The following GRIA2 variants were observed in gnomAD, a reference collection of about 807,000 sequenced individuals.
The protein encoded by GRIA2 is glutamate ionotropic receptor AMPA type subunit 2, also known as glutamate receptor 2.
In GRIA2, 14 loss-of-function variants were observed where a neutral mutation model predicts 97.3. The ratio of observed to expected loss-of-function variants is 0.14; its 90% CI spans 0.10 to 0.23. The LOEUF (loss-of-function observed/expected upper bound fraction) is 0.23. Ranked by LOEUF, GRIA2 falls within the 10% of genes least tolerant of loss-of-function variation. The pLI is 1.00. For synonymous variants in GRIA2, 412 were observed against 387.8 expected (o/e 1.06, Z -0.73); for missense variants, 558 against 1,069.8 (o/e 0.52, Z 6.67).
chr4:157,231,507 C>G (rs1449222111), intron 2 of GRIA2, among the ~76,000 whole-genome samples: 1 of 152,062 alleles, frequency 6.6e-6, no homozygotes, highest in African/African-American at 2.4e-5. Flanking sequence ...GGAAAAAACA[C>G]AAATTTAAGG....
chr4:157,239,412 T>C (rs1253538330), intron 2 of GRIA2, among the ~76,000 whole-genome samples: 1 of 152,056 alleles, frequency 6.6e-6, no homozygotes, highest in East Asian at 1.9e-4. Context: ...TCTGCAAATG[T>C]TTAAAATTTC....
rs1735125516 is a variant in GRIA2 at position 157,333,003 on chromosome 4, A to G, written c.1050+17A>G. ...CTCAAACAGGTCAGTTACTCAAAAT[A>G]ATCGTTAACGTGACTTAATATGGCC... On this transcript the variant is annotated intron_variant, in intron 7 of 15. Coordinates refer to ENST00000264426, the MANE Select transcript of GRIA2 (RefSeq NM_001083619.3). 1 of 1,575,826 alleles carries G rather than the reference A, an allele frequency of 6.3e-7. No homozygotes were observed. Among genetic ancestry groups the G allele is most frequent in the Non-Finnish European group, 8.6e-7 (1 of 1,159,202 alleles).
In GRIA2 at chr4:157,221,672, C is replaced by T; in HGVS notation, c.94C>T (p.Leu32=). 6.2e-7 allele frequency: 1 copy of T among 1,613,972 alleles called. No homozygotes were observed. Among genetic ancestry groups the T allele is most frequent in the Non-Finnish European group, 8.5e-7 (1 of 1,179,920 alleles). The part of the protein sequence containing the change: ...VSSNSIQIGG[L]FPRGADQEYS... ...TTGCTGTTTGTTCTTTGCAGGGGGG[C>T]TATTTCCTAGGGGCGCCGATCAAGA... Residue 32 remains leucine (L), a synonymous_variant, in exon 2 of 16, where the codon CTA becomes TTA. Transcript: ENST00000264426.
chr4:157,258,120 A>G (rs560392773), intron 2 of GRIA2, among the ~76,000 whole-genome samples: 1 of 152,100 alleles, frequency 6.6e-6, no homozygotes, highest in East Asian at 1.9e-4. Context: ...TAACTACACA[A>G]ATTGTTTAAA....
At chr4:157,265,350 G>T (rs1046474448) in intron 2 of GRIA2, among the ~76,000 whole-genome samples, 10 of 151,998 alleles carry the variant, frequency 6.6e-5, no homozygotes, top group African/African-American at 1.9e-4. Context: ...TAATTACCTC[G>T]CATGAATCTG....
At position 157,260,398 on chromosome 4, in the gene GRIA2, A is replaced by G. The variant is rs748177983; in HGVS notation, c.229+38591A>G. Among the ~76,000 whole-genome samples the G allele has an allele frequency of 3.9e-5, 6 of 152,270 alleles. No homozygotes were observed. The South Asian group carries it at 6.2e-4, about 16-fold the overall frequency. ...ATAGATGGTCAAGGGCTTACATGAT[A>G]GATATTTTATGCTATTATTTAGGAA... On this transcript the variant is annotated intron_variant, in intron 2 of 15. Coordinates refer to ENST00000264426, the MANE Select transcript of GRIA2 (RefSeq NM_001083619.3).
intron 10 of GRIA2, 49 bp from the exon 11 acceptor site, chr4:157,336,326 CTT>C (rs751314185): frequency 3.5e-6 from 5 of 1,426,824 alleles, no homozygotes; most frequent in Non-Finnish European, 4.7e-6. Context: ...ACCACGATTC[CTT>C]TTTCACCATG....
Position 157,364,965 on chromosome 4 carries a change from A to G in GRIA2, c.*1534A>G, listed in dbSNP as rs1219722941. ...TTAAAGGATCTATCTTTCCCTTCAT[A>G]AAATACCTCTTATTTCCATTAAAGC... On this transcript the variant is annotated 3_prime_UTR_variant, in exon 16 of 16. Coordinates refer to ENST00000264426, the MANE Select transcript of GRIA2 (RefSeq NM_001083619.3). 1 of 151,662 alleles carries G rather than the reference A, an allele frequency of 6.6e-6. No individual in the cohort carries two copies. Among genetic ancestry groups the G allele is most frequent in the African/African-American group, 2.4e-5 (1 of 41,378 alleles). 9.4% of individuals were successfully genotyped at this position (151,662 alleles called of 1,614,324 possible). A position where few individuals can be genotyped will look rare whatever the true frequency, so the allele number is the denominator to read the frequency against.
At chr4:157,230,262 AT>A (rs139446649) in intron 2 of GRIA2, among the ~76,000 whole-genome samples, 23,659 of 152,076 alleles carry the variant, frequency 0.16, 1,929 homozygotes, top group African/African-American at 0.17. Context: ...TATGTCAACA[AT>A]TTTTTTATAT....
intron 12 of GRIA2, among the ~76,000 whole-genome samples, chr4:157,355,361 C>G (rs999961642): frequency 6.6e-6 from 1 of 151,740 alleles, no homozygotes; most frequent in Non-Finnish European, 1.5e-5. Flanking sequence ...AACCCCATCT[C>G]TACTAAAAAT....
chr4:157,240,744 A>T (rs971806328), intron 2 of GRIA2, among the ~76,000 whole-genome samples: 1 of 151,028 alleles, frequency 6.6e-6, no homozygotes, highest in Non-Finnish European at 1.5e-5. Flanking sequence ...ATTTTAGGGT[A>T]CATGTGCACA....
At chr4:157,324,988 A>C (rs939275385) in intron 6 of GRIA2, among the ~76,000 whole-genome samples, 1 of 152,158 alleles carries the variant, frequency 6.6e-6, no homozygotes, top group Non-Finnish European at 1.5e-5. Flanking sequence ...ATAAATTCAT[A>C]TCACATTTTA....
At chr4:157,240,176 T>C (rs1730441496) in intron 2 of GRIA2, among the ~76,000 whole-genome samples, 1 of 152,170 alleles carries the variant, frequency 6.6e-6, no homozygotes, top group Admixed American at 6.6e-5. Flanking sequence ...TGCATGCATG[T>C]ATATGCATGG....
chr4:157,273,097 A>T (rs537679986), intron 2 of GRIA2, among the ~76,000 whole-genome samples: 1 of 152,090 alleles, frequency 6.6e-6, no homozygotes, highest in African/African-American at 2.4e-5. Context: ...AAAATATACT[A>T]TAAGAAATAT....
chr4:157,332,348 C>A (rs907778675), intron 6 of GRIA2, among the ~76,000 whole-genome samples: 1 of 151,980 alleles, frequency 6.6e-6, no homozygotes, highest in Non-Finnish European at 1.5e-5. Context: ...CACTGCAGAT[C>A]AGTGTGAACA....
intron 2 of GRIA2, among the ~76,000 whole-genome samples, chr4:157,287,013 C>G (rs995064448): frequency 5.3e-5 from 8 of 151,512 alleles, no homozygotes. Context: ...TTTCAGCCTT[C>G]TCTTTAAATT....
chr4:157,273,650 A>C (rs989135622), intron 2 of GRIA2, among the ~76,000 whole-genome samples: 5 of 152,080 alleles, frequency 3.3e-5, no homozygotes, highest in Admixed American at 3.3e-4. Context: ...TCTGAACTTA[A>C]GGTTATGTCA....
At chr4:157,233,015 C>A (rs1730090099) in intron 2 of GRIA2, among the ~76,000 whole-genome samples, 1 of 152,082 alleles carries the variant, frequency 6.6e-6, no homozygotes, top group Non-Finnish European at 1.5e-5. Context: ...ATAAAATTAG[C>A]AATATTTTAT....
At chr4:157,251,760 G>A (rs1467886001) in intron 2 of GRIA2, among the ~76,000 whole-genome samples, 1 of 152,096 alleles carries the variant, frequency 6.6e-6, no homozygotes, top group Non-Finnish European at 1.5e-5. Context: ...TTTGCTGCAT[G>A]TCACTGCAGG....
Sources: allele counts gnomAD v4.1 joint callset (sites outside exome capture counted in the v4.1 genomes callset), GRCh38; gene constraint gnomAD v4.1.1; transcripts MANE v1.5; gene names NCBI Gene and HGNC (gene_info 2026-07-23, HGNC 2026-07-21).